Variants in ZNF679 observed in about 807,000 individuals in gnomAD.
The protein encoded by ZNF679 is hypothetical protein MGC42415.
In ZNF679, 10 loss-of-function variants were observed where a neutral mutation model predicts 13.4. The observed-to-expected ratio is 0.75, with a 90% CI of 0.46 to 1.27. The LOEUF is 1.27. ZNF679 is among the 50% of genes most tolerant of loss of function. The pLI, the probability that ZNF679 is intolerant of heterozygous loss-of-function variation, is 0.00. For missense variants in ZNF679, 525 were observed against 477.8 expected (o/e 1.10, Z -0.92); for synonymous variants, 179 against 162.5 (o/e 1.10, Z -0.77).
chr7:64,249,615 T>C (rs1190691028), intron 2 of ZNF679, among the ~76,000 whole-genome samples: 1 of 152,086 alleles, frequency 6.6e-6, no homozygotes, highest in South Asian at 2.1e-4. Flanking sequence ...AATCATAGAG[T>C]GCCCAGCTAT....
chr7:64,242,601 T>A (rs1374096002), intron 1 of ZNF679, among the ~76,000 whole-genome samples: 1 of 152,170 alleles, frequency 6.6e-6, no homozygotes, highest in African/African-American at 2.4e-5. Flanking sequence ...GTCAGTGAGA[T>A]TCAGGAACTA....
At chr7:64,234,593 C>T (rs1787683287) in intron 1 of ZNF679, among the ~76,000 whole-genome samples, 1 of 152,124 alleles carries the variant, frequency 6.6e-6, no homozygotes, top group Admixed American at 6.5e-5. Context: ...TTCCCAGCAC[C>T]TCTAGATGAG....
chr7:64,236,975 AAAAGAAAG>A (rs1554369173), intron 1 of ZNF679, among the ~76,000 whole-genome samples: 4 of 16,264 alleles, frequency 2.5e-4, no homozygotes, highest in African/African-American at 6.3e-4. Flanking sequence ...GAAAGAAAGA[AAAAGAAAG>A]AAAGAAAGAA....
At chr7:64,251,988 CA>C (rs2116533177) in intron 2 of ZNF679, among the ~76,000 whole-genome samples, 1 of 152,288 alleles carries the variant, frequency 6.6e-6, no homozygotes, top group South Asian at 2.1e-4. Flanking sequence ...GGGAAAAACA[CA>C]GAAGTAATTT....
rs766638396 is a variant in ZNF679 at position 64,266,539 on chromosome 7, C to T, written c.906C>T (p.Gly302=). The change falls in exon 5 of 5, where the codon GGC becomes GGT. Residue 302 remains glycine, a synonymous_variant. Coordinates refer to ENST00000421025, the MANE Select transcript of ZNF679 (RefSeq NM_153363.3). ...GEKPYTCEEC[G]KAFSLSSSLT... is the part of the protein sequence containing the mutation. ...AACCATACACATGTGAAGAATGTGG[C>T]AAAGCCTTTAGCTTATCCTCATCCC... 3 of 1,612,330 alleles carry T rather than the reference C, an allele frequency of 1.9e-6. No homozygotes were observed. In the Admixed American group the frequency reaches 5.0e-5, roughly 27 times the overall value.
rs1830036 is a variant in ZNF679 at position 64,266,300 on chromosome 7, T to A, written c.667T>A (p.Cys223Ser). The change falls in exon 5 of 5, where the codon TGC becomes AGC. Residue 223 changes from cysteine (C) to serine (S), a missense_variant. Transcript: ENST00000421025. ...TGAAGAATGCGGCAAACCCTTCAAC[T>A]GCTCTTCAACCCTTTCTAAACATAA... The part of the protein sequence containing the change: ...QCEECGKPFN[C>S]SSTLSKHKRI... 0.062 allele frequency: 99,550 copies of A among 1,607,264 alleles called. 5,334 individuals are homozygous for A. The highest frequency in any genetic ancestry group is 0.27 in the African/African-American group (19,960 of 74,734).
At chr7:64,242,282 A>G (rs138580753) in intron 1 of ZNF679, among the ~76,000 whole-genome samples, 109 of 152,318 alleles carry the variant, frequency 7.2e-4, no homozygotes, top group Non-Finnish European at 1.1e-3. Flanking sequence ...ATGTGTGCAT[A>G]TGAGAGAATC....
At chr7:64,246,607 C>T (rs904873367) in intron 1 of ZNF679, among the ~76,000 whole-genome samples, 7 of 152,030 alleles carry the variant, frequency 4.6e-5, no homozygotes, top group South Asian at 2.1e-4. Context: ...CCTGTAATCC[C>T]GGCTCCTCCA....
At chr7:64,252,212 C>A (rs764395855) in intron 2 of ZNF679, among the ~76,000 whole-genome samples, 1 of 152,134 alleles carries the variant, frequency 6.6e-6, no homozygotes, top group African/African-American at 2.4e-5. Context: ...GATAGTTTGA[C>A]TTGACACATG....
At chr7:64,232,876 GAAGT>G (rs1172151302) in intron 1 of ZNF679, among the ~76,000 whole-genome samples, 2 of 152,156 alleles carry the variant, frequency 1.3e-5, no homozygotes, top group African/African-American at 4.8e-5. Flanking sequence ...CTAGGGAACA[GAAGT>G]AAGTCACATT....
intron 1 of ZNF679, among the ~76,000 whole-genome samples, chr7:64,235,784 C>T (rs1253731500): frequency 5.1e-5 from 5 of 97,494 alleles, no homozygotes; most frequent in African/African-American, 1.3e-4. Context: ...AGCGAAACCC[C>T]GTCAAGAAAG....
rs567018306 is a variant in ZNF679 at position 64,266,508 on chromosome 7, G to T, written c.875G>T (p.Gly292Val). 6 of 1,613,300 alleles carry T rather than the reference G, an allele frequency of 3.7e-6. No homozygotes were observed. In the East Asian group the frequency reaches 1.3e-4, roughly 36 times the overall value. ...GCTAACCACAAGAGAATTCATACTG[G>T]AGAGAAACCATACACATGTGAAGAA... ...TLANHKRIHT[G>V]EKPYTCEECG... Residue 292 changes from glycine to valine, a missense_variant, in exon 5 of 5, where the codon GGA becomes GTA. Coordinates refer to ENST00000421025, the MANE Select transcript of ZNF679 (RefSeq NM_153363.3).
chr7:64,264,991 A>G (rs1162216943), intron 4 of ZNF679, among the ~76,000 whole-genome samples: 1 of 150,528 alleles, frequency 6.6e-6, no homozygotes, highest in Non-Finnish European at 1.5e-5. Context: ...TTCTAATTTT[A>G]TTTAGGTGTC....
At chr7:64,228,701 T>C (rs1027359640) in intron 1 of ZNF679, 49 bp downstream of exon 1, 14 of 152,188 alleles carry the variant, frequency 9.2e-5, no homozygotes, top group Non-Finnish European at 2.1e-4. Context: ...CTGGACAGGA[T>C]CCGTGCACGA....
intron 4 of ZNF679, among the ~76,000 whole-genome samples, chr7:64,262,006 G>A (rs1417080585): frequency 6.6e-6 from 1 of 151,854 alleles, no homozygotes; most frequent in Admixed American, 6.6e-5. Context: ...ATAGGAATGT[G>A]CCACCATGCC....
chr7:64,246,744 AAAAG>A (rs1187333445), intron 1 of ZNF679, among the ~76,000 whole-genome samples: 1 of 151,880 alleles, frequency 6.6e-6, no homozygotes, highest in South Asian at 2.1e-4. Flanking sequence ...AAAAGAAAGA[AAAAG>A]AAAGAGAAAG....
At chr7:64,263,711 T>C (rs1788107503) in intron 4 of ZNF679, among the ~76,000 whole-genome samples, 1 of 152,192 alleles carries the variant, frequency 6.6e-6, no homozygotes, top group South Asian at 2.1e-4. Flanking sequence ...GTGACATGTT[T>C]GGTTCTTTTT....
chr7:64,231,833 G>A (rs780443400), intron 1 of ZNF679, among the ~76,000 whole-genome samples: 3 of 152,026 alleles, frequency 2.0e-5, no homozygotes, highest in Non-Finnish European at 2.9e-5. Flanking sequence ...AGTAAAAGCA[G>A]TCAGGTGCTA....
At chr7:64,245,277 C>G (rs1053838403) in intron 1 of ZNF679, among the ~76,000 whole-genome samples, 5 of 152,126 alleles carry the variant, frequency 3.3e-5, no homozygotes, top group African/African-American at 1.2e-4. Flanking sequence ...CCACCTGCCT[C>G]GGCCTCCCAA....
Sources: gnomAD v4.1 joint callset for allele counts (sites outside exome capture counted in the v4.1 genomes callset) on GRCh38, gnomAD v4.1.1 for gene constraint, MANE v1.5 for transcripts, NCBI Gene and HGNC (gene_info 2026-07-23, HGNC 2026-07-21) for gene names.